PRKACB: variants seen among roughly 807,000 people sequenced by gnomAD.
PRKACB encodes protein kinase cAMP-activated catalytic subunit beta, also known as cAMP-dependent protein kinase catalytic subunit beta.
Under a neutral mutation model 51.4 loss-of-function variants are expected in PRKACB, and 16 were observed. That is an observed-to-expected ratio of 0.31 (90% confidence interval 0.21 to 0.47). The LOEUF is 0.47. Ranked by LOEUF, PRKACB falls within the 20% of genes least tolerant of loss-of-function variation. The pLI is 1.00. For synonymous variants in PRKACB, 147 were observed against 154.4 expected, an observed-to-expected ratio of 0.95 and a Z score of 0.35; for missense variants, 309 against 464.5, an observed-to-expected ratio of 0.67 and a Z score of 3.08.
intron 7 of PRKACB, among the ~76,000 whole-genome samples, chr1:84,199,949 G>A (rs1425817494): frequency 1.3e-5 from 2 of 151,998 alleles, no homozygotes; most frequent in African/African-American, 2.4e-5. Flanking sequence ...GAGTTCAAGC[G>A]ATTCTCGTGC....
At chr1:84,162,637 A>G (rs1656347240) in intron 1 of PRKACB, among the ~76,000 whole-genome samples, 1 of 151,932 alleles carries the variant, frequency 6.6e-6, no homozygotes, top group Non-Finnish European at 1.5e-5. Context: ...TTATTTTTAA[A>G]TAGTTTTTCT....
At chr1:84,093,091 C>T (rs1157784764) in intron 1 of PRKACB, among the ~76,000 whole-genome samples, 3 of 152,006 alleles carry the variant, frequency 2.0e-5, no homozygotes, top group South Asian at 2.1e-4. Flanking sequence ...AATTTTCAAA[C>T]GTACAAATAA....
chr1:84,089,956 T>C (rs962831463), intron 1 of PRKACB, among the ~76,000 whole-genome samples: 1 of 152,184 alleles, frequency 6.6e-6, no homozygotes, highest in Admixed American at 6.5e-5. Flanking sequence ...ATCTGCCTCT[T>C]TATCAAATCT....
At chr1:84,227,215 T>C (rs2101663376) in intron 9 of PRKACB, among the ~76,000 whole-genome samples, 2 of 152,134 alleles carry the variant, frequency 1.3e-5, no homozygotes, top group East Asian at 3.9e-4. Context: ...GAACATAGAG[T>C]CATCTTATAT....
intron 3 of PRKACB, among the ~76,000 whole-genome samples, chr1:84,183,291 C>T (rs896328071): frequency 7.2e-5 from 11 of 151,786 alleles, no homozygotes; most frequent in Non-Finnish European, 8.8e-5. Flanking sequence ...TCACAGTCTT[C>T]GTGAAGTCAA....
At chr1:84,157,447 T>C (rs1206049601) in intron 1 of PRKACB, 1 of 152,158 alleles carries the variant, frequency 6.6e-6, no homozygotes, top group East Asian at 1.9e-4. Flanking sequence ...TATAAGTGTA[T>C]AATTCAGTAT....
chr1:84,111,320 A>G (rs1650211475), intron 1 of PRKACB, among the ~76,000 whole-genome samples: 1 of 152,106 alleles, frequency 6.6e-6, no homozygotes, highest in Non-Finnish European at 1.5e-5. Flanking sequence ...CGTGCCCCAA[A>G]CACAAAATGA....
chr1:84,157,738 C>T (rs1029156860), intron 1 of PRKACB, among the ~76,000 whole-genome samples: 8 of 151,856 alleles, frequency 5.3e-5, no homozygotes, highest in Admixed American at 6.6e-5. Context: ...TAATTGGTTC[C>T]GATTTATTGT....
chr1:84,219,951 C>T (rs1572518754), intron 9 of PRKACB, among the ~76,000 whole-genome samples: 1 of 151,812 alleles, frequency 6.6e-6, no homozygotes, highest in South Asian at 2.1e-4. Context: ...TGGTTCCATA[C>T]AAATTTTAGG....
upstream of PRKACB, among the ~76,000 whole-genome samples, chr1:84,143,275 A>G (rs976027618): frequency 7.2e-5 from 11 of 152,082 alleles, no homozygotes; most frequent in African/African-American, 2.7e-4. Context: ...AACATGGAGA[A>G]ACCCCATCTC....
At chr1:84,210,681 A>G (rs1438616193) in intron 8 of PRKACB, among the ~76,000 whole-genome samples, 1 of 152,156 alleles carries the variant, frequency 6.6e-6, no homozygotes, top group East Asian at 1.9e-4. Flanking sequence ...TACCCTTTTG[A>G]TATAGTTTTA....
At chr1:84,185,288 T>C (rs1054434148) in intron 5 of PRKACB, 106 bp downstream of exon 5, 12 of 799,366 alleles carry the variant, frequency 1.5e-5, no homozygotes, top group Non-Finnish European at 2.3e-5. Flanking sequence ...GATTAATATT[T>C]TGGCCATATG....
chr1:84,133,881 T>C (rs1051891163), intron 1 of PRKACB, among the ~76,000 whole-genome samples: 5 of 152,146 alleles, frequency 3.3e-5, no homozygotes, highest in African/African-American at 1.2e-4. Context: ...AGTGGACCCT[T>C]TGCCTGTTCA....
intron 8 of PRKACB, among the ~76,000 whole-genome samples, chr1:84,212,016 C>T (rs182706950): frequency 2.6e-5 from 4 of 152,084 alleles, no homozygotes; most frequent in Admixed American, 2.6e-4. Flanking sequence ...AACTATTAAC[C>T]CTTTAAATAG....
At chr1:84,165,497 C>T (rs186721071) in intron 1 of PRKACB, among the ~76,000 whole-genome samples, 121 of 151,726 alleles carry the variant, frequency 8.0e-4, no homozygotes, top group East Asian at 1.2e-3. Context: ...CTTTTACCTA[C>T]AATTTATTGA....
intron 1 of PRKACB, among the ~76,000 whole-genome samples, chr1:84,089,674 C>CCA (rs1648300953): frequency 6.6e-6 from 1 of 152,182 alleles, no homozygotes; most frequent in Admixed American, 6.5e-5. Flanking sequence ...CACTGCACCT[C>CCA]TGTTCTTTGA....
chr1:84,123,309 T>C (rs1651251366), intron 1 of PRKACB, among the ~76,000 whole-genome samples: 2 of 152,208 alleles, frequency 1.3e-5, no homozygotes, highest in Admixed American at 1.3e-4. Context: ...ATCAACATGG[T>C]AAGCTATTTA....
chr1:84,143,428 G>C (rs1653637173), upstream of PRKACB, among the ~76,000 whole-genome samples: 1 of 152,116 alleles, frequency 6.6e-6, no homozygotes, highest in Admixed American at 6.5e-5. Flanking sequence ...TCCAATCTGG[G>C]AGACAGAGTG....
intron 1 of PRKACB, among the ~76,000 whole-genome samples, chr1:84,114,544 A>AT (rs1414009521): frequency 2.6e-5 from 4 of 152,162 alleles, no homozygotes; most frequent in African/African-American, 9.6e-5. Flanking sequence ...AAGTTAGGGT[A>AT]TTTAGAGTGT....
Sources: gnomAD v4.1 joint callset for allele counts (sites outside exome capture counted in the v4.1 genomes callset) on GRCh38, gnomAD v4.1.1 for gene constraint, MANE v1.5 for transcripts, NCBI Gene and HGNC (gene_info 2026-07-23, HGNC 2026-07-21) for gene names.